AGBL1: variants seen among roughly 807,000 people sequenced by gnomAD.
The protein encoded by AGBL1 is cytosolic carboxypeptidase 4.
A neutral mutation model predicts 118.9 loss-of-function variants in AGBL1; 130 were observed. The ratio of observed to expected loss-of-function variants is 1.09; its 90% CI spans 0.95 to 1.26. The LOEUF (loss-of-function observed/expected upper bound fraction) is 1.26. AGBL1 is among the 50% of genes most tolerant of loss of function. The pLI, the probability that AGBL1 is intolerant of heterozygous loss-of-function variation, is 0.00. For synonymous variants in AGBL1, 555 were observed against 478.9 expected (o/e 1.16, Z -2.08); for missense variants, 1,584 against 1,298.1 (o/e 1.22, Z -3.38).
chr15:86,834,637 C>T lies in AGBL1; in HGVS notation c.3159-72450C>T, dbSNP rs1262546137. Reference sequence around the variant, plus strand: ...CACCTCCTTATGTACCCTCTCTGATCCTTTTGACCTTATGTGTCTCTAGGC... The same window carrying T: ...CACCTCCTTATGTACCCTCTCTGATTCTTTTGACCTTATGTGTCTCTAGGC... On this transcript the variant is annotated intron_variant, in intron 22 of 22. Coordinates refer to ENST00000614907, the MANE Select transcript of AGBL1 (RefSeq NM_001386094.1). Among the ~76,000 whole-genome samples, 3 of 152,132 alleles carry T rather than the reference C, an allele frequency of 2.0e-5. No homozygotes were observed. In the East Asian group the frequency reaches 5.8e-4, roughly 29 times the overall value.
intron 17 of AGBL1, among the ~76,000 whole-genome samples, chr15:86,345,648 CTT>C (rs1479252759): frequency 6.6e-6 from 1 of 152,144 alleles, no homozygotes; most frequent in East Asian, 1.9e-4. Flanking sequence ...AAATCTCTAA[CTT>C]TTTCTAAAAG....
intron 22 of AGBL1, among the ~76,000 whole-genome samples, chr15:86,800,809 G>T (rs1014974213): frequency 2.0e-5 from 3 of 152,026 alleles, no homozygotes; most frequent in African/African-American, 7.2e-5. Context: ...TACAAAGGTA[G>T]AAATAGAGAA....
intron 22 of AGBL1, among the ~76,000 whole-genome samples, chr15:86,783,481 G>T (rs2141313961): frequency 6.6e-6 from 1 of 152,274 alleles, no homozygotes; most frequent in African/African-American, 2.4e-5. Flanking sequence ...AGAATGTGTG[G>T]TCTATGTGTC....
rs555625709 is a variant in AGBL1 at position 86,661,177 on chromosome 15, T to G, written c.2995-13096T>G. 1.9e-4 allele frequency among the ~76,000 whole-genome samples: 29 copies of G among 152,258 alleles called. 1 individual carries two copies. Among genetic ancestry groups the G allele is most frequent in the Admixed American group, 1.7e-3 (26 of 15,282 alleles). On this transcript the variant is annotated intron_variant, in intron 21 of 22. Coordinates refer to ENST00000614907, the MANE Select transcript of AGBL1 (RefSeq NM_001386094.1). ...ACATTCAAGGCAAATCCTATTTTAG[T>G]GTATGTTTTAGCTTCCTTAATACGC...
At chr15:86,729,618 T>C (rs1427501848) in intron 22 of AGBL1, among the ~76,000 whole-genome samples, 1 of 152,238 alleles carries the variant, frequency 6.6e-6, no homozygotes, top group Non-Finnish European at 1.5e-5. Flanking sequence ...TTGTTCTTTT[T>C]TATGGCTGCA....
intron 18 of AGBL1, among the ~76,000 whole-genome samples, chr15:86,482,971 C>T (rs1158878419): frequency 1.3e-5 from 2 of 151,926 alleles, no homozygotes; most frequent in African/African-American, 4.8e-5. Flanking sequence ...GAAACATAGC[C>T]TCCAGTCAGA....
In AGBL1 at chr15:86,826,881, C is replaced by T. The variant is rs140868372; in HGVS notation, c.3159-80206C>T. Among the ~76,000 whole-genome samples, 1,511 of 152,112 alleles carry T rather than the reference C, an allele frequency of 9.9e-3. 19 individuals are homozygous for T. The highest frequency in any genetic ancestry group is 0.041 in the Middle Eastern group (12 of 294). ...AGACTGGGTGGCAGCACTTAACTAT[C>T]AGACAAGGAGAATATGCCTGACATA... is the stretch of plus-strand genomic sequence containing the variant. On this transcript the variant is annotated intron_variant, in intron 22 of 22. Coordinates refer to ENST00000614907, the MANE Select transcript of AGBL1 (RefSeq NM_001386094.1).
chr15:86,165,431 A>G (rs2077327045), intron 5 of AGBL1, among the ~76,000 whole-genome samples: 1 of 152,056 alleles, frequency 6.6e-6, no homozygotes, highest in African/African-American at 2.4e-5. Flanking sequence ...GCTTTCTCCA[A>G]CCATCACTCC....
intron 24 of AGBL1, among the ~76,000 whole-genome samples, chr15:87,022,397 C>T (rs555290387): frequency 1.1e-3 from 173 of 152,056 alleles, no homozygotes; most frequent in African/African-American, 3.8e-3. Context: ...CCCAATCCAA[C>T]GAAGACAAAG....
intron 22 of AGBL1, among the ~76,000 whole-genome samples, chr15:86,680,774 C>A (rs1191578904): frequency 6.6e-6 from 1 of 151,594 alleles, no homozygotes; most frequent in Non-Finnish European, 1.5e-5. Context: ...ACCATGTTGG[C>A]CAGGTTGGTT....
At chr15:87,011,877 C>CTT (rs2081563858) in intron 24 of AGBL1, among the ~76,000 whole-genome samples, 1 of 152,038 alleles carries the variant, frequency 6.6e-6, no homozygotes, top group Non-Finnish European at 1.5e-5. Flanking sequence ...ATTAATTGGA[C>CTT]TTTAATTACT....
rs935299470 is a variant in AGBL1 at position 86,211,451 on chromosome 15, T to A, written c.489-13463T>A. On this transcript the variant is annotated intron_variant, in intron 5 of 22. Coordinates refer to ENST00000614907, the MANE Select transcript of AGBL1 (RefSeq NM_001386094.1). ...CTACGCCCTGCCCCCAGAGCTGGGG[T>A]CTACAGAGGCAGCAGGCCTTGCAGC... Among the ~76,000 whole-genome samples the A allele has an allele frequency of 2.0e-5, 3 of 152,308 alleles. No individual in the cohort carries two copies. The South Asian group carries it at 6.2e-4, about 32-fold the overall frequency.
chr15:86,603,482 T>C (rs560441710), intron 21 of AGBL1, among the ~76,000 whole-genome samples: 2 of 151,826 alleles, frequency 1.3e-5, no homozygotes, highest in Admixed American at 1.3e-4. Context: ...GTTAGTGCAA[T>C]GACACAGGCT....
In AGBL1 at chr15:86,210,820, G is replaced by A. The variant is rs142351489; in HGVS notation, c.489-14094G>A. On this transcript the variant is annotated intron_variant, in intron 5 of 22. Transcript: ENST00000614907. ...GACCTTCTGAAGCCTGCTTCTGTGA[G>A]CTCGTCAGTGTCATTCTCCGTCCAG... is the stretch of plus-strand genomic sequence containing the variant. Among the ~76,000 whole-genome samples the A allele has an allele frequency of 5.3e-3, 800 of 152,270 alleles. 4 individuals carry two copies. Among genetic ancestry groups the A allele is most frequent in the African/African-American group, 0.012 (497 of 41,564 alleles).
intron 22 of AGBL1, among the ~76,000 whole-genome samples, chr15:86,896,255 G>A (rs2080124392): frequency 6.6e-6 from 1 of 151,884 alleles, no homozygotes; most frequent in African/African-American, 2.4e-5. Flanking sequence ...GTGAGTGTCT[G>A]CTTTTGCTGC....
chr15:86,767,083 T>G, intron 22 of AGBL1, among the ~76,000 whole-genome samples: 1 of 152,058 alleles, frequency 6.6e-6, no homozygotes, highest in East Asian at 1.9e-4. Flanking sequence ...GTTTAATGCT[T>G]AATTCTTAGC....
chr15:87,023,258 C>A (rs1042786035), intron 24 of AGBL1, among the ~76,000 whole-genome samples: 1 of 151,944 alleles, frequency 6.6e-6, no homozygotes, highest in Non-Finnish European at 1.5e-5. Flanking sequence ...TAAGGACTCA[C>A]ACAAACTTAA....
At chr15:86,928,230 C>T (rs998254113) in intron 23 of AGBL1, among the ~76,000 whole-genome samples, 6 of 152,096 alleles carry the variant, frequency 3.9e-5, no homozygotes, top group Non-Finnish European at 8.8e-5. Context: ...AGCCCTTGGG[C>T]TGTCAGAATC....
intron 18 of AGBL1, among the ~76,000 whole-genome samples, chr15:86,428,700 T>C (rs985322361): frequency 6.6e-6 from 1 of 152,182 alleles, no homozygotes; most frequent in African/African-American, 2.4e-5. Flanking sequence ...TGAGGATGGA[T>C]CAATAATAGA....
Sources: gnomAD v4.1 joint callset for allele counts (sites outside exome capture counted in the v4.1 genomes callset) on GRCh38, gnomAD v4.1.1 for gene constraint, MANE v1.5 for transcripts, NCBI Gene and HGNC (gene_info 2026-07-23, HGNC 2026-07-21) for gene names.